Variants in SNTG1 observed in about 807,000 individuals in gnomAD.
The protein encoded by SNTG1 is gamma-1-syntrophin.
Under a neutral mutation model 74.7 loss-of-function variants are expected in SNTG1, and 39 were observed. That is an observed-to-expected ratio of 0.52 (90% CI 0.40 to 0.68). SNTG1 has a LOEUF of 0.68. Ranked by LOEUF, SNTG1 falls within the 30% of genes least tolerant of loss-of-function variation. The pLI, the probability that SNTG1 is intolerant of heterozygous loss-of-function variation, is 0.00. For missense variants in SNTG1, 685 were observed against 609.5 expected (o/e 1.12, Z -1.30); for synonymous variants, 254 against 217.1 (o/e 1.17, Z -1.49).
chr8:50,108,293 T>C (rs541081995), intron 1 of SNTG1, among the ~76,000 whole-genome samples: 1 of 152,282 alleles, frequency 6.6e-6, no homozygotes, highest in African/African-American at 2.4e-5. Flanking sequence ...CTGAGTAAAA[T>C]CAAGTTGCTG....
intron 2 of SNTG1, among the ~76,000 whole-genome samples, chr8:50,364,644 A>C (rs2092056632): frequency 1.3e-5 from 2 of 152,142 alleles, no homozygotes; most frequent in South Asian, 4.1e-4. Context: ...TATTGGCTGT[A>C]AAAAGGGTTA....
At chr8:50,155,555 T>C (rs1239418364) in intron 1 of SNTG1, among the ~76,000 whole-genome samples, 1 of 152,074 alleles carries the variant, frequency 6.6e-6, no homozygotes, top group Non-Finnish European at 1.5e-5. Flanking sequence ...AAATATTCTA[T>C]AATGTTTAGA....
At chr8:50,499,653 T>C (rs1482554872) in intron 8 of SNTG1, among the ~76,000 whole-genome samples, 1 of 151,884 alleles carries the variant, frequency 6.6e-6, no homozygotes, top group Non-Finnish European at 1.5e-5. Flanking sequence ...TTAGTAATGA[T>C]ATTACCTGTA....
intron 3 of SNTG1, among the ~76,000 whole-genome samples, chr8:50,401,130 G>T (rs966501207): frequency 6.6e-6 from 1 of 151,946 alleles, no homozygotes; most frequent in Non-Finnish European, 1.5e-5. Context: ...GAGGATAAAT[G>T]TATATCCCCA....
At chr8:49,940,116 A>G (rs1808548773) in intron 1 of SNTG1, among the ~76,000 whole-genome samples, 1 of 152,192 alleles carries the variant, frequency 6.6e-6, no homozygotes, top group South Asian at 2.1e-4. Flanking sequence ...GGGTTGAACA[A>G]AACCAATACA....
chr8:50,258,059 C>T (rs2086971924), intron 2 of SNTG1, among the ~76,000 whole-genome samples: 1 of 152,200 alleles, frequency 6.6e-6, no homozygotes, highest in Non-Finnish European at 1.5e-5. Context: ...TGAGTCTGCA[C>T]ATGCAAGAAA....
At chr8:50,068,047 A>G (rs1821043327) in intron 1 of SNTG1, among the ~76,000 whole-genome samples, 1 of 152,230 alleles carries the variant, frequency 6.6e-6, no homozygotes, top group Non-Finnish European at 1.5e-5. Context: ...GAAAGCTTTC[A>G]AAATAAATCT....
At chr8:50,680,690 A>C (rs1393093039) in intron 15 of SNTG1, among the ~76,000 whole-genome samples, 1 of 152,108 alleles carries the variant, frequency 6.6e-6, no homozygotes. Flanking sequence ...ATTGTTTACC[A>C]GCCCCTAATC....
chr8:50,653,906 G>A (rs188740639), intron 13 of SNTG1, among the ~76,000 whole-genome samples: 61 of 152,256 alleles, frequency 4.0e-4, no homozygotes, highest in Non-Finnish European at 6.9e-4. Flanking sequence ...TGGTATTACA[G>A]GAGAGTAAAT....
chr8:50,324,464 T>G (rs79349008), intron 2 of SNTG1, among the ~76,000 whole-genome samples: 8,995 of 152,278 alleles, frequency 0.059, 299 homozygotes, highest in Non-Finnish European at 0.071. Flanking sequence ...GTTCTTGTAA[T>G]GGTGCTTTTC....
At chr8:50,116,405 T>C (rs2080822237) in intron 1 of SNTG1, among the ~76,000 whole-genome samples, 1 of 152,184 alleles carries the variant, frequency 6.6e-6, no homozygotes, top group Admixed American at 6.6e-5. Flanking sequence ...AACTCCACTC[T>C]TAGGTCTTTT....
chr8:50,428,992 G>T (rs1343452492), intron 4 of SNTG1, among the ~76,000 whole-genome samples: 2 of 151,874 alleles, frequency 1.3e-5, no homozygotes, highest in Non-Finnish European at 2.9e-5. Flanking sequence ...AAATTAAACA[G>T]AGCCTAAATA....
At chr8:49,996,383 T>A (rs183364245) in intron 1 of SNTG1, among the ~76,000 whole-genome samples, 2,331 of 152,048 alleles carry the variant, frequency 0.015, 30 homozygotes, top group South Asian at 0.034. Flanking sequence ...TTTTTTTTTT[T>A]ACCTCCACAA....
rs2095272101 is a variant in SNTG1, at chr8:50,670,059, T to C, written c.1038+11396T>C. On this transcript the variant is annotated intron_variant, in intron 15 of 18. Coordinates refer to ENST00000642720, the MANE Select transcript of SNTG1 (RefSeq NM_018967.5). ...ATGTATCTCAAAATAATAAGAGCTG[T>C]CTATGACAAACCCACAGCCAATATC... Among the ~76,000 whole-genome samples, 3 of 152,138 alleles carry C rather than the reference T, an allele frequency of 2.0e-5. No homozygotes were observed. In the South Asian group the frequency reaches 6.2e-4, roughly 31 times the overall value.
chr8:50,777,144 G>A (rs912715206), intron 18 of SNTG1, among the ~76,000 whole-genome samples: 6 of 149,914 alleles, frequency 4.0e-5, no homozygotes, highest in African/African-American at 7.3e-5. Context: ...ATGAATTTTC[G>A]CTATTACGTC....
chr8:50,688,821 G>A (rs530602841), intron 15 of SNTG1, among the ~76,000 whole-genome samples: 106 of 151,718 alleles, frequency 7.0e-4, no homozygotes, highest in Middle Eastern at 3.4e-3. Flanking sequence ...GATGGGGATG[G>A]CATTGAATCT....
At chr8:50,714,080 TG>T (rs2095469364) in intron 17 of SNTG1, among the ~76,000 whole-genome samples, 1 of 133,900 alleles carries the variant, frequency 7.5e-6, no homozygotes, top group Non-Finnish European at 1.6e-5. Context: ...AAAAAAAAGG[TG>T]GGGGGAGGGA....
chr8:50,109,654 T>C lies in SNTG1; in HGVS notation c.-102-62907T>C. On this transcript the variant is annotated intron_variant, in intron 1 of 18. Coordinates refer to ENST00000642720, the MANE Select transcript of SNTG1 (RefSeq NM_018967.5). ...GGTCTCATTCAACAGGAAGTCCAGG[T>C]GTTATCAGGAAGGGGGAGATCCTCG... Among the ~76,000 whole-genome samples, 2 of 152,128 alleles carry C rather than the reference T, an allele frequency of 1.3e-5. 1 individual carries two copies. The highest frequency in any genetic ancestry group is 2.9e-5 in the Non-Finnish European group (2 of 68,028).
At chr8:50,590,781 A>G (rs1227268307) in intron 12 of SNTG1, 98 bp from the exon 13 acceptor site, 3 of 674,620 alleles carry the variant, frequency 4.4e-6, no homozygotes, top group East Asian at 3.1e-5. Flanking sequence ...GGATATTAGT[A>G]TATATTAGCT....
Sources: gnomAD v4.1 joint callset for allele counts (sites outside exome capture counted in the v4.1 genomes callset) on GRCh38, gnomAD v4.1.1 for gene constraint, MANE v1.5 for transcripts, NCBI Gene and HGNC (gene_info 2026-07-23, HGNC 2026-07-21) for gene names.